Variants in CHD9 observed in about 807,000 individuals in gnomAD.
CHD9 encodes chromodomain helicase DNA binding protein 9.
A neutral mutation model predicts 316.1 loss-of-function variants in CHD9; 77 were observed. The observed-to-expected ratio is 0.24, with a 90% CI of 0.20 to 0.29. The LOEUF (loss-of-function observed/expected upper bound fraction) is 0.29. CHD9 is among the 10% of genes least tolerant of loss of function. The pLI, the probability that CHD9 is intolerant of heterozygous loss-of-function variation, is 1.00. For synonymous variants in CHD9, 1,129 were observed against 1,158.3 expected (o/e 0.97, Z 0.51); for missense variants, 2,763 against 3,438.1 (o/e 0.80, Z 4.91).
intron 2 of CHD9, among the ~76,000 whole-genome samples, chr16:53,188,602 CTTTTTTTTTT>C (rs369979479): frequency 7.0e-5 from 5 of 71,250 alleles, no homozygotes; most frequent in South Asian, 4.9e-4. Context: ...TGGTCATTAC[CTTTTTTTTTT>C]TTTTTTTTTT....
intron 1 of CHD9, among the ~76,000 whole-genome samples, chr16:53,078,228 G>A (rs1431061880): frequency 6.6e-6 from 1 of 152,190 alleles, no homozygotes; most frequent in Non-Finnish European, 1.5e-5. Flanking sequence ...AAGTGGTGTT[G>A]AAATTTAATT....
intron 1 of CHD9, among the ~76,000 whole-genome samples, chr16:53,089,122 A>AAT (rs1567319193): frequency 2.7e-5 from 4 of 150,174 alleles, no homozygotes; most frequent in African/African-American, 9.8e-5. Flanking sequence ...AAAAAAAAAA[A>AAT]AATAATAATA....
intron 2 of CHD9, among the ~76,000 whole-genome samples, chr16:53,179,940 A>G (rs1337926235): frequency 1.3e-5 from 2 of 151,332 alleles, no homozygotes; most frequent in African/African-American, 2.4e-5. Flanking sequence ...ACAGATTTTT[A>G]TATATTTTCT....
Position 53,128,196 on chromosome 16 carries a change from C to A in CHD9, c.-164-27730C>A, listed in dbSNP as rs76674271. Among the ~76,000 whole-genome samples the A allele has an allele frequency of 2.0e-5, 3 of 147,368 alleles. No homozygotes were observed. The South Asian group carries it at 6.4e-4, about 32-fold the overall frequency. ...TAGGAATGGAGACATTTTTTTTTTT[C>A]TTTTAAGACGGAGTCTCGTTCTGTC... On this transcript the variant is annotated intron_variant, in intron 1 of 38. Transcript: ENST00000447540.
At chr16:53,187,178 G>A (rs968269290) in intron 2 of CHD9, among the ~76,000 whole-genome samples, 7 of 152,190 alleles carry the variant, frequency 4.6e-5, no homozygotes, top group African/African-American at 1.7e-4. Flanking sequence ...ATAAGTGATA[G>A]TTGAAGCTAT....
At chr16:53,161,954 A>G (rs879752429) in intron 2 of CHD9, among the ~76,000 whole-genome samples, 1 of 152,208 alleles carries the variant, frequency 6.6e-6, no homozygotes, top group South Asian at 2.1e-4. Flanking sequence ...GGGTTTTGCC[A>G]TGTTGGCCAG....
At chr16:53,203,838 A>G (rs898366155) in intron 2 of CHD9, among the ~76,000 whole-genome samples, 9 of 151,690 alleles carry the variant, frequency 5.9e-5, no homozygotes, top group African/African-American at 1.9e-4. Context: ...CCTGGCTAAC[A>G]TGGTGAAACC....
At chr16:53,214,750 A>G (rs2046602723) in intron 3 of CHD9, among the ~76,000 whole-genome samples, 2 of 152,164 alleles carry the variant, frequency 1.3e-5, no homozygotes, top group Non-Finnish European at 2.9e-5. Flanking sequence ...TGACAAATAG[A>G]TGTACCATAT....
intron 11 of CHD9, 139 bp from the exon 12 acceptor site, chr16:53,238,204 C>T: frequency 1.4e-6 from 1 of 708,960 alleles, no homozygotes; most frequent in Admixed American, 3.3e-5. Flanking sequence ...AATCTTAAGC[C>T]TACCCTGCAC....
intron 1 of CHD9, among the ~76,000 whole-genome samples, chr16:53,068,643 C>T (rs753444903): frequency 2.0e-5 from 3 of 152,216 alleles, no homozygotes; most frequent in Non-Finnish European, 2.9e-5. Flanking sequence ...ATTCTGCAGC[C>T]CTCATCACTT....
At chr16:53,264,288 C>T (rs1465437938) in intron 20 of CHD9, among the ~76,000 whole-genome samples, 1 of 151,910 alleles carries the variant, frequency 6.6e-6, no homozygotes, top group Admixed American at 6.6e-5. Context: ...CAGGAATCGG[C>T]CCTGCAGCAA....
chr16:53,090,727 C>T (rs1236047233), intron 1 of CHD9, among the ~76,000 whole-genome samples: 3 of 152,092 alleles, frequency 2.0e-5, no homozygotes, highest in African/African-American at 4.8e-5. Flanking sequence ...TGTGGGTGTG[C>T]GGTGGCTTTC....
chr16:53,093,769 T>G (rs2036150999), intron 1 of CHD9, among the ~76,000 whole-genome samples: 1 of 152,192 alleles, frequency 6.6e-6, no homozygotes, highest in Non-Finnish European at 1.5e-5. Context: ...CAGGTACAAC[T>G]TGATCTAGGG....
intron 2 of CHD9, among the ~76,000 whole-genome samples, chr16:53,173,975 T>C (rs8047327): frequency 0.28 from 42,318 of 152,094 alleles, 5,981 homozygotes; most frequent in Middle Eastern, 0.32. Flanking sequence ...AGATTTGTAT[T>C]ATGTTTCATT....
At chr16:53,088,194 C>G (rs1276612289) in intron 1 of CHD9, among the ~76,000 whole-genome samples, 1 of 151,630 alleles carries the variant, frequency 6.6e-6, no homozygotes, top group East Asian at 1.9e-4. Context: ...CAGAGAGATT[C>G]TGACAAAAGT....
Position 53,163,484 on chromosome 16 carries a change from A to G in CHD9, c.1452+5943A>G, listed in dbSNP as rs548230069. 4.2e-4 allele frequency among the ~76,000 whole-genome samples: 64 copies of G among 152,328 alleles called. 1 individual carries two copies. The highest frequency in any genetic ancestry group is 3.4e-3 in the Middle Eastern group (1 of 294). On this transcript the variant is annotated intron_variant, in intron 2 of 38. Coordinates refer to ENST00000447540, the MANE Select transcript of CHD9 (RefSeq NM_001308319.2). ...CTCGGCCTCCCAAAGTGCTGGGATT[A>G]CAGGCGTGAGCCACTGTGCCTGGCC... is the stretch of plus-strand genomic sequence containing the variant.
intron 35 of CHD9, 25 bp from the exon 36 acceptor site, chr16:53,314,798 G>C: frequency 6.8e-7 from 1 of 1,473,472 alleles, no homozygotes; most frequent in Non-Finnish European, 9.4e-7. Context: ...TGAAAATAAA[G>C]ATACCATTTG....
intron 20 of CHD9, among the ~76,000 whole-genome samples, chr16:53,265,515 A>T (rs1420514546): frequency 6.6e-6 from 1 of 152,220 alleles, no homozygotes; most frequent in African/African-American, 2.4e-5. Flanking sequence ...ACAGAAAAAG[A>T]TCAAAGTATA....
chr16:53,057,025 T>C (rs528062689), intron 1 of CHD9, among the ~76,000 whole-genome samples: 243 of 152,166 alleles, frequency 1.6e-3, no homozygotes, highest in African/African-American at 5.6e-3. Flanking sequence ...AAAAATTTGT[T>C]TGTGGCCAGG....
Sources: allele counts gnomAD v4.1 joint callset (sites outside exome capture counted in the v4.1 genomes callset), GRCh38; gene constraint gnomAD v4.1.1; transcripts MANE v1.5; gene names NCBI Gene and HGNC (gene_info 2026-07-23, HGNC 2026-07-21).